The following GFI1B variants were observed in gnomAD, a reference collection of about 807,000 sequenced individuals.
The protein encoded by GFI1B is zinc finger protein Gfi-1b.
Under a neutral mutation model 35.3 loss-of-function variants are expected in GFI1B, and 20 were observed. The ratio of observed to expected loss-of-function variants is 0.57; its 90% CI spans 0.40 to 0.82. The LOEUF is 0.82. Among genes scored for constraint, GFI1B ranks in the 40% least tolerant of loss-of-function variants. GFI1B has a pLI of 0.00. For synonymous variants in GFI1B, 178 were observed against 177.6 expected, an observed-to-expected ratio of 1.00 and a Z score of -0.02; for missense variants, 430 against 446.3, an observed-to-expected ratio of 0.96 and a Z score of 0.33.
chr9:132,980,796 C>G (rs1848797847), intron 1 of GFI1B, among the ~76,000 whole-genome samples: 1 of 152,236 alleles, frequency 6.6e-6, no homozygotes, highest in Non-Finnish European at 1.5e-5. Context: ...GCTTATTTCA[C>G]TTAGCATAAA....
chr9:132,986,203 G>C (rs537270394), intron 1 of GFI1B, among the ~76,000 whole-genome samples: 1 of 152,152 alleles, frequency 6.6e-6, no homozygotes, highest in Non-Finnish European at 1.5e-5. Flanking sequence ...CAGACGCCAG[G>C]GGAGAGGGTT....
At chr9:132,955,808 A>ATGTGTG (rs3049917) in intron 1 of GFI1B, among the ~76,000 whole-genome samples, 42,593 of 146,390 alleles carry the variant, frequency 0.29, 7,363 homozygotes, top group South Asian at 0.49. Context: ...GTGTGTGTGC[A>ATGTGTG]TGTGTGTGTG....
At chr9:132,967,996 G>A (rs923268946) in intron 1 of GFI1B, among the ~76,000 whole-genome samples, 1 of 152,102 alleles carries the variant, frequency 6.6e-6, no homozygotes, top group African/African-American at 2.4e-5. Context: ...TGGCCAGGTT[G>A]GTCTCGAACT....
intron 1 of GFI1B, among the ~76,000 whole-genome samples, chr9:132,959,261 G>C (rs1319392016): frequency 6.6e-6 from 1 of 152,160 alleles, no homozygotes; most frequent in Non-Finnish European, 1.5e-5. Context: ...GTTCTCACGA[G>C]ACCTGATGGT....
chr9:132,985,225 G>A (rs1023869237), intron 1 of GFI1B, among the ~76,000 whole-genome samples: 10 of 152,176 alleles, frequency 6.6e-5, no homozygotes, highest in African/African-American at 2.4e-4. Flanking sequence ...AACCATTCTG[G>A]GGGCCAGGCA....
At position 132,989,280 on chromosome 9, in the gene GFI1B, T is replaced by A; in HGVS notation, c.648+82T>A. 1 of 1,372,642 alleles carries A rather than the reference T, an allele frequency of 7.3e-7. No homozygotes were observed. The highest frequency in any genetic ancestry group is 1.0e-6 in the Non-Finnish European group (1 of 976,172). The allele number at this position is 1,372,642 out of a possible 1,614,324, so 85.0% of individuals were successfully genotyped here. On this transcript the variant is annotated intron_variant, in intron 5 of 6. Transcript: ENST00000372122. This position sits in a 1 kb window ranked among gnomAD's most constrained non-coding sequence, Gnocchi z 6.2. The stretch of plus-strand genomic sequence containing the variant: ...AGGGAGCCTGGGGGCTGTGGCTGGG[T>A]CCCTCCCCCTGCCCCTGGGGGTGAC...
At chr9:132,951,510 C>T (rs1269882767) in intron 1 of GFI1B, 1 of 152,232 alleles carries the variant, frequency 6.6e-6, no homozygotes, top group East Asian at 1.9e-4. Context: ...TATTAACTAT[C>T]TATAGTGTAG....
At chr9:132,951,862 G>A (rs1247863141) in intron 1 of GFI1B, 1 of 152,212 alleles carries the variant, frequency 6.6e-6, no homozygotes, top group Non-Finnish European at 1.5e-5. Flanking sequence ...GGAACACCTA[G>A]GTTCAAGCCA....
At chr9:132,957,262 C>T (rs543546096) in intron 1 of GFI1B, among the ~76,000 whole-genome samples, 2 of 152,336 alleles carry the variant, frequency 1.3e-5, no homozygotes, top group South Asian at 2.1e-4. Flanking sequence ...CTAACGGCTG[C>T]GCTGACACCT....
chr9:132,979,343 G>A (rs1212517919), intron 1 of GFI1B, among the ~76,000 whole-genome samples: 1 of 145,322 alleles, frequency 6.9e-6, no homozygotes, highest in Non-Finnish European at 1.5e-5. Flanking sequence ...GAATTCAAGC[G>A]ATTCTCCTGC....
At chr9:132,981,793 C>T (rs1052406338) in intron 1 of GFI1B, among the ~76,000 whole-genome samples, 11 of 152,116 alleles carry the variant, frequency 7.2e-5, no homozygotes, top group African/African-American at 1.4e-4. Context: ...CGCTGTGTCA[C>T]CCAGGCTGGA....
At chr9:132,979,820 AT>A (rs1848757588) in intron 1 of GFI1B, among the ~76,000 whole-genome samples, 1 of 152,150 alleles carries the variant, frequency 6.6e-6, no homozygotes, top group African/African-American at 2.4e-5. Flanking sequence ...CGCCGTGGGT[AT>A]GTGCCCGTGT....
intron 1 of GFI1B, among the ~76,000 whole-genome samples, chr9:132,959,292 C>T (rs1335464253): frequency 6.6e-6 from 1 of 152,174 alleles, no homozygotes; most frequent in Non-Finnish European, 1.5e-5. Flanking sequence ...GCTTTCCCCA[C>T]TTTGCTCGGC....
At chr9:132,964,032 G>C (rs2132600051) in intron 1 of GFI1B, among the ~76,000 whole-genome samples, 1 of 152,230 alleles carries the variant, frequency 6.6e-6, no homozygotes. Context: ...CCTGAGGTCA[G>C]GAGTTCAAGA....
At chr9:132,946,714 C>CA (rs1421659609) in intron 1 of GFI1B, 1 of 152,322 alleles carries the variant, frequency 6.6e-6, no homozygotes, top group Non-Finnish European at 1.5e-5. Flanking sequence ...GGGGGAGCAG[C>CA]ACTGCTCTGG....
At chr9:132,953,667 GC>G (rs1266251755) in intron 1 of GFI1B, 3 of 149,584 alleles carry the variant, frequency 2.0e-5, no homozygotes, top group Admixed American at 1.3e-4. Context: ...AATAAAATAG[GC>G]CGGGCACGGT....
At position 132,955,807 on chromosome 9, in the gene GFI1B, CAT is replaced by C. The variant is rs1491580168; in HGVS notation, c.-701+10139_-701+10140del. Among the ~76,000 whole-genome samples, 60 of 84,940 alleles carry C rather than the reference CAT, an allele frequency of 7.1e-4. 1 individual carries two copies. The highest frequency in any genetic ancestry group is 6.3e-4 in the Admixed American group (5 of 7,884). The allele number at this position is 84,940 out of a possible 152,430, so 55.7% of individuals were successfully genotyped here. ...CCAACGTGATGTGTGTGTGTGTGTGCATGTGTGTGTGTGTGTGTGTGTGTGTG... is the reference window on the plus strand; with the variant it reads ...CCAACGTGATGTGTGTGTGTGTGTGCGTGTGTGTGTGTGTGTGTGTGTGTG... On this transcript the variant is annotated intron_variant, in intron 1 of 10. Transcript: ENST00000339463.
intron 1 of GFI1B, among the ~76,000 whole-genome samples, chr9:132,979,928 C>G (rs866235681): frequency 1.3e-5 from 2 of 152,158 alleles, no homozygotes; most frequent in African/African-American, 4.8e-5. Context: ...TATTAGAAGC[C>G]AGCTGAGCTG....
chr9:132,984,139 T>C (rs1848935347), intron 1 of GFI1B, among the ~76,000 whole-genome samples: 1 of 152,168 alleles, frequency 6.6e-6, no homozygotes, highest in African/African-American at 2.4e-5. Flanking sequence ...GATCATCTTT[T>C]GATATTTTGA....
Sources: gnomAD v4.1 joint callset for allele counts (sites outside exome capture counted in the v4.1 genomes callset) on GRCh38, gnomAD v4.1.1 for gene constraint, Gnocchi (gnomAD v3.1) non-coding constraint, MANE v1.5 for transcripts, NCBI Gene and HGNC (gene_info 2026-07-23, HGNC 2026-07-21) for gene names.